Variants in DYNC1LI1 observed in about 807,000 individuals in gnomAD.
The protein encoded by DYNC1LI1 is cytoplasmic dynein 1 light intermediate chain 1.
A neutral mutation model predicts 63.8 loss-of-function variants in DYNC1LI1; 19 were observed. That is an observed-to-expected ratio of 0.30 (90% CI 0.21 to 0.44). The LOEUF is 0.44. DYNC1LI1 is among the 20% of genes least tolerant of loss of function. DYNC1LI1 has a pLI of 1.00. For missense variants in DYNC1LI1, 565 were observed against 630.2 expected (o/e 0.90, Z 1.11); for synonymous variants, 225 against 232.3 (o/e 0.97, Z 0.28).
chr3:32,527,604 C>T (rs6782149), intron 12 of DYNC1LI1, among the ~76,000 whole-genome samples: 46,869 of 151,808 alleles, frequency 0.31, 7,371 homozygotes, highest in African/African-American at 0.37. Flanking sequence ...TTTTGGCAGT[C>T]CTTCAAAACC....
rs1170976154 is a variant in DYNC1LI1, at chr3:32,561,038, C to CAAAA, written c.220+9304_220+9307dup. ...AAAAAAAAAAAAAAAAAAAAACAAACAAAAAAAACACACACACACCAAAGA... is the reference window on the plus strand; with the variant it reads ...AAAAAAAAAAAAAAAAAAAAACAAACAAAAAAAAAAAACACACACACACCAAAGA... On this transcript the variant is annotated intron_variant, in intron 2 of 12. Coordinates refer to ENST00000273130, the MANE Select transcript of DYNC1LI1 (RefSeq NM_016141.4). Among the ~76,000 whole-genome samples, 80 of 81,976 alleles carry CAAAA rather than the reference C, an allele frequency of 9.8e-4. 3 individuals carry two copies. Among genetic ancestry groups the CAAAA allele is most frequent in the African/African-American group, 3.9e-3 (79 of 20,254 alleles). The allele number at this position is 81,976 out of a possible 152,430, so 53.8% of individuals were successfully genotyped here. A position where few individuals can be genotyped will look rare whatever the true frequency, so the allele number is the denominator to read the frequency against.
intron 2 of DYNC1LI1, among the ~76,000 whole-genome samples, chr3:32,553,263 AGAATCAAG>A (rs1698068766): frequency 6.6e-6 from 1 of 152,078 alleles, no homozygotes; most frequent in Non-Finnish European, 1.5e-5. Flanking sequence ...CAGGCATGGG[AGAATCAAG>A]GCTGCAGTAA....
chr3:32,563,588 G>A (rs537629493), intron 2 of DYNC1LI1, among the ~76,000 whole-genome samples: 5 of 152,200 alleles, frequency 3.3e-5, no homozygotes, highest in Admixed American at 6.5e-5. Context: ...CACCACGCCC[G>A]GCCACTTAGA....
chr3:32,539,054 G>C (rs1697842070), intron 5 of DYNC1LI1, among the ~76,000 whole-genome samples: 1 of 152,048 alleles, frequency 6.6e-6, no homozygotes, highest in Non-Finnish European at 1.5e-5. Context: ...CTTTTCATAA[G>C]GCAAGTAGTG....
At chr3:32,533,234 A>T in intron 7 of DYNC1LI1, 137 bp from the exon 8 acceptor site, 1 of 1,326,376 alleles carries the variant, frequency 7.5e-7, no homozygotes. Context: ...TTTCATTATG[A>T]TGTCCACGTT....
intron 7 of DYNC1LI1, among the ~76,000 whole-genome samples, chr3:32,533,955 C>A (rs1423849684): frequency 6.7e-6 from 1 of 149,680 alleles, no homozygotes; most frequent in Non-Finnish European, 1.5e-5. Flanking sequence ...CGGTTCACTG[C>A]AACTTCTGCC....
At chr3:32,537,961 A>T (rs866551978) in intron 5 of DYNC1LI1, among the ~76,000 whole-genome samples, 537 of 7,522 alleles carry the variant, frequency 0.071, 64 homozygotes, top group Non-Finnish European at 0.11. Flanking sequence ...TTATATATAT[A>T]ATATATATAT....
chr3:32,551,489 A>T (rs1698038575), intron 2 of DYNC1LI1, among the ~76,000 whole-genome samples: 1 of 152,222 alleles, frequency 6.6e-6, no homozygotes, highest in Non-Finnish European at 1.5e-5. Flanking sequence ...TGAGAAGGTC[A>T]GACTATTCTG....
chr3:32,536,474 G>C (rs1022616775), intron 6 of DYNC1LI1, among the ~76,000 whole-genome samples: 13 of 152,056 alleles, frequency 8.5e-5, no homozygotes, highest in Admixed American at 4.6e-4. Flanking sequence ...TTGCAATCTA[G>C]ATTAACAAGA....
chr3:32,558,269 A>C (rs1257409252), intron 2 of DYNC1LI1, among the ~76,000 whole-genome samples: 2 of 152,096 alleles, frequency 1.3e-5, no homozygotes, highest in Non-Finnish European at 2.9e-5. Flanking sequence ...CAATACTATT[A>C]GTTTTCATGT....
intron 7 of DYNC1LI1, among the ~76,000 whole-genome samples, chr3:32,533,536 A>C (rs1192051642): frequency 1.3e-5 from 2 of 151,908 alleles, no homozygotes; most frequent in African/African-American, 4.8e-5. Flanking sequence ...AGGGGGCAGT[A>C]ATTATTACCT....
chr3:32,537,957 ATATAATATATATATATTTATATATAAT>A lies in DYNC1LI1; in HGVS notation c.739-880_739-854del, dbSNP rs1392797349. ...TATATAATATATATATAATTTATATATATAATATATATATATTTATATATAATATATATATATAATTTATATATATAA... is the reference window on the plus strand; with the variant it reads ...TATATAATATATATATAATTTATATAATATATATATAATTTATATATATAA... On this transcript the variant is annotated intron_variant, in intron 5 of 12. Transcript: ENST00000273130. Among the ~76,000 whole-genome samples the A allele has an allele frequency of 4.4e-3, 13 of 2,928 alleles. 1 individual carries two copies. Among genetic ancestry groups the A allele is most frequent in the African/African-American group, 0.019 (13 of 702 alleles). The allele number at this position is 2,928 out of a possible 152,430, so 1.9% of individuals were successfully genotyped here.
Position 32,540,023 on chromosome 3 carries a change from C to T in DYNC1LI1, c.738+1014G>A, listed in dbSNP as rs145009385. ...GGGACTAAAGGCGCCCGCCACCACG[C>T]CTGGCTAATTTTTTTGTATTTTTTT... On this transcript the variant is annotated intron_variant, in intron 5 of 12. Coordinates refer to ENST00000273130, the MANE Select transcript of DYNC1LI1 (RefSeq NM_016141.4). Among the ~76,000 whole-genome samples the T allele has an allele frequency of 7.5e-3, 1,134 of 151,344 alleles. 9 individuals carry two copies. The highest frequency in any genetic ancestry group is 0.013 in the Non-Finnish European group (904 of 67,832).
intron 2 of DYNC1LI1, among the ~76,000 whole-genome samples, chr3:32,562,134 T>A (rs905694611): frequency 6.6e-6 from 1 of 151,888 alleles, no homozygotes; most frequent in Admixed American, 6.6e-5. Context: ...CCAGGTATGG[T>A]GTCCTGTAGT....
chr3:32,553,761 G>C (rs908776726), intron 2 of DYNC1LI1, among the ~76,000 whole-genome samples: 6 of 152,206 alleles, frequency 3.9e-5, no homozygotes, highest in Non-Finnish European at 8.8e-5. Context: ...CTCCCATTTG[G>C]CAGGTAGGAT....
intron 4 of DYNC1LI1, among the ~76,000 whole-genome samples, chr3:32,544,226 A>G (rs1697922474): frequency 1.3e-5 from 2 of 152,244 alleles, no homozygotes. Context: ...TATACTGTCA[A>G]CATCTTTCTA....
At chr3:32,570,096 A>C in intron 2 of DYNC1LI1, 2 of 625,194 alleles carry the variant, frequency 3.2e-6, no homozygotes, top group Non-Finnish European at 5.8e-6. Flanking sequence ...TCCCAGGGGA[A>C]GCTGTCAGGG....
In DYNC1LI1 at chr3:32,561,448, G is replaced by A. The variant is rs528603671; in HGVS notation, c.220+8898C>T. 9.9e-5 allele frequency among the ~76,000 whole-genome samples: 15 copies of A among 151,556 alleles called. No homozygotes were observed. The South Asian group carries it at 2.7e-3, about 27-fold the overall frequency. Reference sequence around the variant, plus strand: ...TCGAGACCATCCTGGCTAACACAGCGAAACCCCGTCTCTACTAAAAAATAC... The same window carrying A: ...TCGAGACCATCCTGGCTAACACAGCAAAACCCCGTCTCTACTAAAAAATAC... On this transcript the variant is annotated intron_variant, in intron 2 of 12. Transcript: ENST00000273130.
chr3:32,532,991 G>C lies in DYNC1LI1; in HGVS notation c.1075C>G (p.Arg359Gly). The change falls in exon 8 of 13, where the codon CGA becomes GGA. Residue 359 changes from arginine (R) to glycine (G), a missense_variant. By Grantham distance (125) the Arg-to-Gly change is moderately radical. Transcript: ENST00000273130. Reference protein sequence around the residue: ...FEDIITKPPVRKFVHEKEIMA... With the variant: ...FEDIITKPPVGKFVHEKEIMA... Reference sequence around the variant, plus strand: ...TTATTTACTAAAATGGTTACCTTTCGAACAGGTGGTTTAGTTATGATGTCT... The same window carrying C: ...TTATTTACTAAAATGGTTACCTTTCCAACAGGTGGTTTAGTTATGATGTCT... The C allele has an allele frequency of 6.4e-7, 1 of 1,573,278 alleles. No homozygotes were observed. Among genetic ancestry groups the C allele is most frequent in the Non-Finnish European group, 8.6e-7 (1 of 1,166,886 alleles).
Sources: gnomAD v4.1 joint callset for allele counts (sites outside exome capture counted in the v4.1 genomes callset) on GRCh38, gnomAD v4.1.1 for gene constraint, MANE v1.5 for transcripts, NCBI Gene and HGNC (gene_info 2026-07-23, HGNC 2026-07-21) for gene names.